The following DNAH11 variants were observed in gnomAD, a reference collection of about 807,000 sequenced individuals.
The protein encoded by DNAH11 is dynein axonemal heavy chain 11, also known as axonemal beta dynein heavy chain 11.
In DNAH11, 442 loss-of-function variants were observed where a neutral mutation model predicts 526.0. The ratio of observed to expected loss-of-function variants is 0.84; its 90% CI spans 0.78 to 0.91. The LOEUF is 0.91. Among genes scored for constraint, DNAH11 ranks in the 40% least tolerant of loss-of-function variants. The probability of loss-of-function intolerance (pLI) is 0.00; values close to 1 mark genes in which losing one functional copy is unlikely to be tolerated. For synonymous variants in DNAH11, 2,461 were observed against 1,935.9 expected (o/e 1.27, Z -7.12); for missense variants, 6,989 against 5,448.7 (o/e 1.28, Z -8.90).
chr7:21,654,815 TC>T (rs1781940963), intron 28 of DNAH11, among the ~76,000 whole-genome samples: 1 of 152,170 alleles, frequency 6.6e-6, no homozygotes, highest in Non-Finnish European at 1.5e-5. Flanking sequence ...AAGTCTGTTC[TC>T]TTTTTGTCTC....
intron 65 of DNAH11, among the ~76,000 whole-genome samples, chr7:21,822,562 G>T (rs564388328): frequency 6.6e-6 from 1 of 152,080 alleles, no homozygotes; most frequent in African/African-American, 2.4e-5. Context: ...TCTTATCTAG[G>T]TTATTGTGAA....
chr7:21,741,662 A>G (rs936022623), intron 48 of DNAH11, among the ~76,000 whole-genome samples: 3 of 152,144 alleles, frequency 2.0e-5, no homozygotes, highest in Non-Finnish European at 4.4e-5. Flanking sequence ...CTCATACTTT[A>G]GGGCCTGCAG....
At chr7:21,696,948 C>G (rs980005444) in intron 35 of DNAH11, among the ~76,000 whole-genome samples, 1 of 152,122 alleles carries the variant, frequency 6.6e-6, no homozygotes, top group South Asian at 2.1e-4. Context: ...AGTCTTTGCT[C>G]TCTCCATTTA....
intron 51 of DNAH11, among the ~76,000 whole-genome samples, chr7:21,747,180 C>T (rs752174024): frequency 1.3e-5 from 2 of 152,202 alleles, no homozygotes; most frequent in Non-Finnish European, 2.9e-5. Flanking sequence ...CTTGGGGTAT[C>T]TCTCATGTCA....
intron 14 of DNAH11, among the ~76,000 whole-genome samples, chr7:21,593,570 GA>G (rs75329036): frequency 0.31 from 47,610 of 151,922 alleles, 8,126 homozygotes; most frequent in East Asian, 0.71. Context: ...GCCATTGAGG[GA>G]AATGGGATTT....
At position 21,550,528 on chromosome 7, in the gene DNAH11, A is replaced by G. The variant is rs552851824; in HGVS notation, c.495+5379A>G. On this transcript the variant is annotated intron_variant, in intron 2 of 81. Coordinates refer to ENST00000409508, the MANE Select transcript of DNAH11 (RefSeq NM_001277115.2). ...TTTTCTTGGGGCTGTTCTAATCCTA[A>G]GGAGTGCTACTGGGAGACATTTGGT... Among the ~76,000 whole-genome samples, 7 of 152,168 alleles carry G rather than the reference A, an allele frequency of 4.6e-5. No homozygotes were observed. The South Asian group carries it at 1.5e-3, about 32-fold the overall frequency.
chr7:21,690,802 TC>T lies in DNAH11; in HGVS notation c.5963del (p.Ser1988Ter), dbSNP rs747957553. Reference sequence around the variant, plus strand: ...TGGGGAAGCTATCACACTGAAGCCATCAGTTGGAATATTTATTACTATGAAC... The same window carrying T: ...TGGGGAAGCTATCACACTGAAGCCATAGTTGGAATATTTATTACTATGAAC... ...FLGEAITLKP[S>X]VGIFITMNPG... On this transcript the variant is annotated frameshift_variant, in exon 35 of 82. Coordinates refer to ENST00000409508, the MANE Select transcript of DNAH11 (RefSeq NM_001277115.2). LOFTEE classifies it high-confidence loss of function. The T allele has an allele frequency of 1.2e-6, 2 of 1,611,048 alleles. No homozygotes were observed. Among genetic ancestry groups the T allele is most frequent in the Non-Finnish European group, 1.7e-6 (2 of 1,179,022 alleles).
At chr7:21,656,065 T>A (rs1294148760) in intron 29 of DNAH11, 84 bp downstream of exon 29, 5 of 1,414,958 alleles carry the variant, frequency 3.5e-6, no homozygotes, top group Non-Finnish European at 4.7e-6. Flanking sequence ...AGCAAAAAAT[T>A]CAACCCAGGT....
intron 3 of DNAH11, 148 bp downstream of exon 3, chr7:21,559,146 A>T: frequency 1.7e-6 from 1 of 605,354 alleles, no homozygotes; most frequent in Non-Finnish European, 2.8e-6. Context: ...CAGCATAGTG[A>T]GATCTCATCT....
chr7:21,869,131 A>G (rs1783403161), intron 73 of DNAH11, 140 bp downstream of exon 73: 2 of 1,241,352 alleles, frequency 1.6e-6, no homozygotes, highest in South Asian at 1.4e-5. Context: ...GTCAGTGTTC[A>G]TGATGCCTGC....
Position 21,570,081 on chromosome 7 carries a change from C to G in DNAH11, c.1207C>G (p.Leu403Val), listed in dbSNP as rs746037078. 1.1e-5 allele frequency: 18 copies of G among 1,605,962 alleles called. No individual in the cohort carries two copies. The highest frequency in any genetic ancestry group is 1.5e-5 in the Non-Finnish European group (18 of 1,176,258). The change falls in exon 7 of 82, where the codon CTT (leucine) becomes GTT (valine). Residue 403 changes from leucine to valine, a missense_variant. Leu to Val is a conservative substitution (Grantham distance 32). Coordinates refer to ENST00000409508, the MANE Select transcript of DNAH11 (RefSeq NM_001277115.2). ...CATTAAATCCTAGGCAACAGCTTAC[C>G]TTTCACCTGAGGACCTTTTGAGGGG... ...NLFINQATAY[L>V]SPEDLLRGEI...
Position 21,738,716 on chromosome 7 carries a change from C to A in DNAH11, c.7661C>A (p.Pro2554His). 5 of 1,575,986 alleles carry A rather than the reference C, an allele frequency of 3.2e-6. No individual in the cohort carries two copies. The highest frequency in any genetic ancestry group is 2.4e-5 in the South Asian group (2 of 84,428). ...TTTATTTCAGAAATTCTTGAGAAAC[C>A]CCTAGAGAAAAAAGCTGGTCATAAC... ...STALQKILEK[P>H]LEKKAGHNYG... Residue 2554 changes from proline (P) to histidine (H), a missense_variant, in exon 47 of 82, where the codon CCC (proline) becomes CAC (histidine). Pro to His is a moderately conservative substitution (Grantham distance 77). Transcript: ENST00000409508.
intron 54 of DNAH11, among the ~76,000 whole-genome samples, chr7:21,759,543 G>A (rs1403964267): frequency 6.6e-6 from 1 of 152,124 alleles, no homozygotes; most frequent in East Asian, 1.9e-4. Flanking sequence ...TTCCTGCGAG[G>A]GTTTCCTCAG....
chr7:21,658,490 C>G (rs776041847), intron 29 of DNAH11, among the ~76,000 whole-genome samples: 17 of 152,126 alleles, frequency 1.1e-4, no homozygotes, highest in Non-Finnish European at 1.9e-4. Flanking sequence ...ACCTCCTTGC[C>G]TTCAAAGCTG....
chr7:21,720,801 T>A lies in DNAH11; in HGVS notation c.7211T>A (p.Val2404Asp), dbSNP rs771033325. The A allele has an allele frequency of 6.2e-7, 1 of 1,611,880 alleles. No individual in the cohort carries two copies. The highest frequency in any genetic ancestry group is 1.3e-5 in the African/African-American group (1 of 74,912). ...PSDSPKEVYE[V>D]YFVFACIWAF... is the part of the protein sequence containing the mutation. ...GACAGCCCAAAAGAAGTTTATGAAG[T>A]CTATTTTGTATTTGCTTGTATCTGG... Residue 2404 changes from valine to aspartate, a missense_variant, in exon 44 of 82, where the codon GTC (valine) becomes GAC (aspartate). Coordinates refer to ENST00000409508, the MANE Select transcript of DNAH11 (RefSeq NM_001277115.2).
chr7:21,647,926 G>T (rs1400110163), intron 28 of DNAH11, among the ~76,000 whole-genome samples: 2 of 152,036 alleles, frequency 1.3e-5, no homozygotes, highest in Non-Finnish European at 2.9e-5. Context: ...TCAAGCAAAA[G>T]GAAGATGACA....
intron 66 of DNAH11, among the ~76,000 whole-genome samples, chr7:21,843,002 G>T (rs567681257): frequency 6.6e-6 from 1 of 152,196 alleles, no homozygotes; most frequent in Non-Finnish European, 1.5e-5. Context: ...AGAGGCATAC[G>T]AGTCATGTAA....
At chr7:21,851,716 T>C (rs1270616003) in intron 66 of DNAH11, 1 of 467,386 alleles carries the variant, frequency 2.1e-6, no homozygotes, top group Admixed American at 2.4e-5. Context: ...TACTTGCATG[T>C]CAGTGTTCCC....
At position 21,801,462 on chromosome 7, in the gene DNAH11, T is replaced by A. The variant is rs76242802; in HGVS notation, c.10165+187T>A. ...AATGTTCAAGTACATATCTTTTAAT[T>A]TATAGTCCTGAACTCAATGTGCCAT... On this transcript the variant is annotated intron_variant, in intron 62 of 81. Transcript: ENST00000409508. 0.014 allele frequency among the ~76,000 whole-genome samples: 2,146 copies of A among 152,300 alleles called. 40 individuals carry two copies. Among genetic ancestry groups the A allele is most frequent in the African/African-American group, 0.049 (2,042 of 41,552 alleles).
Sources: allele counts gnomAD v4.1 joint callset (sites outside exome capture counted in the v4.1 genomes callset), GRCh38; gene constraint gnomAD v4.1.1; transcripts MANE v1.5; gene names NCBI Gene and HGNC (gene_info 2026-07-23, HGNC 2026-07-21).